Variants in RORA observed in about 807,000 individuals in gnomAD.
The protein encoded by RORA is nuclear receptor ROR-alpha.
Under a neutral mutation model 69.5 loss-of-function variants are expected in RORA, and 7 were observed. That is an observed-to-expected ratio of 0.10 (90% CI 0.06 to 0.19). RORA has a LOEUF of 0.19. Among genes scored for constraint, RORA ranks in the 10% least tolerant of loss-of-function variants. RORA has a pLI of 1.00. For synonymous variants in RORA, 261 were observed against 240.8 expected (o/e 1.08, Z -0.78); for missense variants, 457 against 663.0 (o/e 0.69, Z 3.41).
intron 1 of RORA, among the ~76,000 whole-genome samples, chr15:60,800,794 C>T (rs995471114): frequency 6.6e-6 from 1 of 152,188 alleles, no homozygotes; most frequent in Non-Finnish European, 1.5e-5. Flanking sequence ...TGGGAAGAGG[C>T]CTGCTCCCTC....
chr15:60,508,387 G>C (rs1258178059), intron 5 of RORA, among the ~76,000 whole-genome samples: 1 of 152,190 alleles, frequency 6.6e-6, no homozygotes, highest in Non-Finnish European at 1.5e-5. Flanking sequence ...ACTTTAGATA[G>C]CATCTGGTCC....
chr15:61,227,850 A>T (rs1051063097), intron 1 of RORA, among the ~76,000 whole-genome samples: 1 of 152,196 alleles, frequency 6.6e-6, no homozygotes, highest in Non-Finnish European at 1.5e-5. Context: ...CATTATTTAC[A>T]ACAGTAATTA....
At chr15:60,612,380 C>T (rs2069111082) in intron 2 of RORA, among the ~76,000 whole-genome samples, 1 of 152,182 alleles carries the variant, frequency 6.6e-6, no homozygotes, top group Admixed American at 6.5e-5. Context: ...AACCTCCCCT[C>T]TTTTTGGCAT....
chr15:60,704,639 C>A (rs749703183), intron 1 of RORA, among the ~76,000 whole-genome samples: 2 of 152,076 alleles, frequency 1.3e-5, no homozygotes, highest in Non-Finnish European at 2.9e-5. Context: ...AAAAAGATGA[C>A]CAGGAATGCC....
intron 1 of RORA, among the ~76,000 whole-genome samples, chr15:61,202,606 G>C (rs2079905440): frequency 1.3e-5 from 2 of 152,218 alleles, no homozygotes; most frequent in South Asian, 4.1e-4. Context: ...CAGGAGATGA[G>C]ATCTTGCAGC....
Position 61,053,848 on chromosome 15 carries a change from G to GAT in RORA, c.166+175203_166+175204dup, listed in dbSNP as rs3053963. 1.7e-3 allele frequency among the ~76,000 whole-genome samples: 153 copies of GAT among 90,970 alleles called. 26 individuals are homozygous for GAT. The highest frequency in any genetic ancestry group is 2.4e-3 in the African/African-American group (55 of 23,174). 59.7% of individuals were successfully genotyped at this position (90,970 alleles called of 152,430 possible). On this transcript the variant is annotated intron_variant, in intron 1 of 10. Coordinates refer to ENST00000335670, the MANE Select transcript of RORA (RefSeq NM_134261.3). ...AGCATGAAGAGTGTTTAGACTTCAT[G>GAT]ATATATATATATATAAACATTCTTC...
intron 1 of RORA, among the ~76,000 whole-genome samples, chr15:60,831,817 C>G (rs2073045754): frequency 6.6e-6 from 1 of 152,182 alleles, no homozygotes; most frequent in Non-Finnish European, 1.5e-5. Flanking sequence ...AGAAGAAATA[C>G]TTGTGGCTGA....
At chr15:60,862,092 C>T (rs2073440124) in intron 1 of RORA, among the ~76,000 whole-genome samples, 1 of 152,236 alleles carries the variant, frequency 6.6e-6, no homozygotes, top group Admixed American at 6.5e-5. Flanking sequence ...GCAACTAGTT[C>T]AGGGTGAGAG....
intron 1 of RORA, among the ~76,000 whole-genome samples, chr15:61,181,945 A>G (rs2079690934): frequency 6.6e-6 from 1 of 152,212 alleles, no homozygotes; most frequent in Non-Finnish European, 1.5e-5. Flanking sequence ...TCTTACAGCC[A>G]TCCACTATAA....
intron 1 of RORA, among the ~76,000 whole-genome samples, chr15:61,062,269 C>T (rs983730512): frequency 1.3e-5 from 2 of 152,188 alleles, no homozygotes; most frequent in Non-Finnish European, 2.9e-5. Context: ...CTGGGCCCAG[C>T]TTCCCAAGTT....
chr15:60,531,562 C>T lies in RORA; in HGVS notation c.282+204G>A, dbSNP rs756798903. ...CAATGCTCAAATACCTTTTTGTAAT[C>T]TCCTATTATTTTGAAGGAAGGAGTA... On this transcript the variant is annotated intron_variant, in intron 3 of 10. Coordinates refer to ENST00000335670, the MANE Select transcript of RORA (RefSeq NM_134261.3). The surrounding 1 kb of genome is among the most constrained non-coding windows in gnomAD (Gnocchi z 4.8). 1.0e-5 allele frequency: 5 copies of T among 496,208 alleles called. No homozygotes were observed. The highest frequency in any genetic ancestry group is 4.1e-5 in the African/African-American group (2 of 48,746). The allele number at this position is 496,208 out of a possible 1,614,324, so 30.7% of individuals were successfully genotyped here. A position where few individuals can be genotyped will look rare whatever the true frequency, so the allele number is the denominator to read the frequency against.
chr15:60,956,020 G>T (rs1036917030), intron 1 of RORA, among the ~76,000 whole-genome samples: 2 of 152,136 alleles, frequency 1.3e-5, no homozygotes, highest in Admixed American at 6.5e-5. Context: ...TTTTAAAAAA[G>T]ATTGCTTTAC....
chr15:61,143,312 G>A (rs958034200), intron 1 of RORA, among the ~76,000 whole-genome samples: 1 of 152,078 alleles, frequency 6.6e-6, no homozygotes, highest in African/African-American at 2.4e-5. Flanking sequence ...AGATGTAAAA[G>A]CTGGCAAAAT....
At chr15:60,875,236 T>C (rs936415363) in intron 1 of RORA, among the ~76,000 whole-genome samples, 2 of 152,160 alleles carry the variant, frequency 1.3e-5, no homozygotes, top group African/African-American at 2.4e-5. Flanking sequence ...GCTTAATGCA[T>C]ATTTTTGGGA....
rs1223968137 is a variant in RORA, at chr15:60,905,959, T to C, written c.167-227273A>G. Among the ~76,000 whole-genome samples, 1 of 152,214 alleles carries C rather than the reference T, an allele frequency of 6.6e-6. No individual in the cohort carries two copies. The highest frequency in any genetic ancestry group is 1.5e-5 in the Non-Finnish European group (1 of 68,040). ...AATATCAGGAAAGCATTTATAAATA[T>C]TTCAGAGGTGTTTCATAAATAAATC... On this transcript the variant is annotated intron_variant, in intron 1 of 10. Transcript: ENST00000335670. The surrounding 1 kb of genome is among the most constrained non-coding windows in gnomAD (Gnocchi z 4.8).
intron 1 of RORA, among the ~76,000 whole-genome samples, chr15:60,821,485 C>T (rs1272163264): frequency 2.0e-5 from 3 of 152,346 alleles, no homozygotes; most frequent in Non-Finnish European, 4.4e-5. Flanking sequence ...AAGGCTTCCA[C>T]GTGACTAGTA....
chr15:60,992,723 C>T (rs946987455), intron 1 of RORA, among the ~76,000 whole-genome samples: 1 of 152,140 alleles, frequency 6.6e-6, no homozygotes, highest in Non-Finnish European at 1.5e-5. Flanking sequence ...TACAAAGATA[C>T]AAGAGAAGGA....
At chr15:60,914,084 G>C (rs1437613314) in intron 1 of RORA, among the ~76,000 whole-genome samples, 1 of 152,166 alleles carries the variant, frequency 6.6e-6, no homozygotes, top group Non-Finnish European at 1.5e-5. Context: ...CCATTGACTG[G>C]GAAGAGGCTG....
intron 1 of RORA, among the ~76,000 whole-genome samples, chr15:60,906,750 C>T (rs557270256): frequency 6.6e-5 from 10 of 152,150 alleles, no homozygotes; most frequent in Admixed American, 2.6e-4. Context: ...ACTACGGCCA[C>T]GGTGGTTAAT....
Sources: allele counts gnomAD v4.1 joint callset (sites outside exome capture counted in the v4.1 genomes callset), GRCh38; gene constraint gnomAD v4.1.1; non-coding constraint Gnocchi (gnomAD v3.1); transcripts MANE v1.5; gene names NCBI Gene and HGNC (gene_info 2026-07-23, HGNC 2026-07-21).